GNA12: variants seen among roughly 807,000 people sequenced by gnomAD.
GNA12 encodes G protein subunit alpha 12, also known as guanine nucleotide-binding protein subunit alpha-12.
A neutral mutation model predicts 26.0 loss-of-function variants in GNA12; 9 were observed. That is an observed-to-expected ratio of 0.35 (90% CI 0.21 to 0.60). The LOEUF (loss-of-function observed/expected upper bound fraction) is 0.60. GNA12 is among the 20% of genes least tolerant of loss of function. The probability of loss-of-function intolerance (pLI) is 0.78; values close to 1 mark genes in which losing one functional copy is unlikely to be tolerated. For synonymous variants in GNA12, 264 were observed against 219.6 expected (o/e 1.20, Z -1.79); for missense variants, 405 against 525.8 (o/e 0.77, Z 2.25).
intron 2 of GNA12, among the ~76,000 whole-genome samples, chr7:2,744,112 A>C (rs146600606): frequency 6.6e-6 from 1 of 152,290 alleles, no homozygotes; most frequent in South Asian, 2.1e-4. Context: ...AGACAAACAA[A>C]AAGACAGCAG....
rs114733580 is a variant in GNA12 at position 2,789,663 on chromosome 7, C to T, written c.525+5265G>A. Among the ~76,000 whole-genome samples, 1,476 of 152,266 alleles carry T rather than the reference C, an allele frequency of 9.7e-3. 18 individuals are homozygous for T. Among genetic ancestry groups the T allele is most frequent in the African/African-American group, 0.033 (1,381 of 41,530 alleles). ...CATCCCACCCACTGCTCCAGTTAGGCGGCCCCTACTTCTCCAGTGGTGAGG... is the reference window on the plus strand; with the variant it reads ...CATCCCACCCACTGCTCCAGTTAGGTGGCCCCTACTTCTCCAGTGGTGAGG... On this transcript the variant is annotated intron_variant, in intron 2 of 3. Transcript: ENST00000275364.
At chr7:2,743,765 T>C (rs564468897) in intron 2 of GNA12, among the ~76,000 whole-genome samples, 1 of 152,288 alleles carries the variant, frequency 6.6e-6, no homozygotes, top group South Asian at 2.1e-4. Context: ...GGGAATTCCC[T>C]TTCCTACTCA....
intron 1 of GNA12, chr7:2,814,943 C>A: frequency 6.3e-7 from 1 of 1,582,790 alleles, no homozygotes; most frequent in East Asian, 2.3e-5. Flanking sequence ...CAAATGCCTA[C>A]AATACAGTAG....
At chr7:2,814,321 A>T in intron 1 of GNA12, 1 of 1,569,400 alleles carries the variant, frequency 6.4e-7, no homozygotes, top group Non-Finnish European at 8.8e-7. Flanking sequence ...CCCTGGACCC[A>T]GGGTGTGCAA....
chr7:2,786,612 G>A (rs1368103061), intron 2 of GNA12, among the ~76,000 whole-genome samples: 1 of 152,218 alleles, frequency 6.6e-6, no homozygotes, highest in Non-Finnish European at 1.5e-5. Context: ...AAGCCATATA[G>A]CTGAGGTATG....
chr7:2,818,158 T>C (rs923840275), intron 1 of GNA12, among the ~76,000 whole-genome samples: 2 of 152,190 alleles, frequency 1.3e-5, no homozygotes, highest in Admixed American at 6.5e-5. Flanking sequence ...ATTAAGAACA[T>C]CAATTATTTA....
intron 2 of GNA12, among the ~76,000 whole-genome samples, chr7:2,761,384 A>C (rs1320993295): frequency 2.0e-5 from 3 of 152,256 alleles, no homozygotes; most frequent in African/African-American, 7.2e-5. Flanking sequence ...CCCTGAAACC[A>C]GACATCTGTG....
chr7:2,782,703 G>A (rs1792260267), intron 2 of GNA12, among the ~76,000 whole-genome samples: 1 of 150,734 alleles, frequency 6.6e-6, no homozygotes, highest in Admixed American at 6.6e-5. Context: ...TTTCTTGACT[G>A]TTTGATATGA....
At position 2,737,449 on chromosome 7, in the gene GNA12, C is replaced by T. The variant is rs186358043; in HGVS notation, c.526-3948G>A. Among the ~76,000 whole-genome samples, 267 of 152,012 alleles carry T rather than the reference C, an allele frequency of 1.8e-3. 1 individual carries two copies. Among genetic ancestry groups the T allele is most frequent in the Admixed American group, 5.1e-3 (78 of 15,262 alleles). On this transcript the variant is annotated intron_variant, in intron 2 of 3. Transcript: ENST00000275364. ...GACTACAGGCGTGCACTACCACACC[C>T]GGCTAACTTTTGTATTTTTAGTAGA...
chr7:2,754,256 G>A (rs1039143437), intron 2 of GNA12, among the ~76,000 whole-genome samples: 2 of 152,172 alleles, frequency 1.3e-5, no homozygotes, highest in Non-Finnish European at 2.9e-5. Flanking sequence ...ATGTCTTCTC[G>A]TGCTTATGTG....
At chr7:2,839,383 G>A (rs148813079) in intron 1 of GNA12, among the ~76,000 whole-genome samples, 3 of 152,000 alleles carry the variant, frequency 2.0e-5, no homozygotes, top group African/African-American at 2.4e-5. Context: ...CACCACACCC[G>A]GCTAATTTGT....
chr7:2,738,930 C>T (rs936005216), intron 2 of GNA12, among the ~76,000 whole-genome samples: 7 of 152,060 alleles, frequency 4.6e-5, no homozygotes, highest in East Asian at 1.9e-4. Flanking sequence ...TGTGTAGCCT[C>T]GTGGCTGTGC....
chr7:2,820,173 G>T (rs759695482), intron 1 of GNA12, among the ~76,000 whole-genome samples: 1 of 152,186 alleles, frequency 6.6e-6, no homozygotes, highest in African/African-American at 2.4e-5. Flanking sequence ...AATCAACAGC[G>T]TCGAGAGAAA....
At chr7:2,835,823 C>A in intron 1 of GNA12, 1 of 646,116 alleles carries the variant, frequency 1.5e-6, no homozygotes, top group South Asian at 1.5e-5. Context: ...TTAATGATGC[C>A]TTATCAAATC....
chr7:2,733,260 C>T (rs1460283960), intron 3 of GNA12, among the ~76,000 whole-genome samples, 191 bp downstream of exon 3: 1 of 152,180 alleles, frequency 6.6e-6, no homozygotes, highest in African/African-American at 2.4e-5. Context: ...AGGCAGTTTC[C>T]TCCCCTCCCC....
In GNA12 at chr7:2,741,191, G is replaced by C. The variant is rs142602482; in HGVS notation, c.526-7690C>G. 9.5e-3 allele frequency among the ~76,000 whole-genome samples: 1,454 copies of C among 152,308 alleles called. 12 individuals are homozygous for C. The highest frequency in any genetic ancestry group is 0.075 in the Middle Eastern group (22 of 294). On this transcript the variant is annotated intron_variant, in intron 2 of 3. Transcript: ENST00000275364. ...GTTTTAAGGTATTCCCCTGCCTCTA[G>C]ATAAAAAGCACCTAGACTAGGTGTG...
chr7:2,836,151 A>C, intron 1 of GNA12: 1 of 227,578 alleles, frequency 4.4e-6, no homozygotes, highest in Non-Finnish European at 9.1e-6. Context: ...AGATTCAAAT[A>C]ATGAACTGCA....
At chr7:2,829,031 T>C (rs1005118898) in intron 1 of GNA12, among the ~76,000 whole-genome samples, 2 of 149,108 alleles carry the variant, frequency 1.3e-5, no homozygotes, top group Admixed American at 6.7e-5. Flanking sequence ...CAAGATCACA[T>C]CACTGCACTC....
At chr7:2,838,599 C>G (rs148730470) in intron 1 of GNA12, among the ~76,000 whole-genome samples, 150 of 152,074 alleles carry the variant, frequency 9.9e-4, no homozygotes, top group Non-Finnish European at 1.6e-3. Context: ...TAGTAACAGT[C>G]ATAATAATGA....
Sources: gnomAD v4.1 joint callset for allele counts (sites outside exome capture counted in the v4.1 genomes callset) on GRCh38, gnomAD v4.1.1 for gene constraint, MANE v1.5 for transcripts, NCBI Gene and HGNC (gene_info 2026-07-23, HGNC 2026-07-21) for gene names.